The following KCNT2 variants were observed in gnomAD, a reference collection of about 807,000 sequenced individuals.
KCNT2 encodes potassium channel subfamily T member 2.
KCNT2 carries 67 observed loss-of-function variants against 153.8 expected under a neutral mutation model. The observed-to-expected ratio is 0.44, with a 90% CI of 0.36 to 0.53. The LOEUF is 0.53. KCNT2 is among the 20% of genes least tolerant of loss of function. KCNT2 has a pLI of 0.00. For synonymous variants in KCNT2, 500 were observed against 458.8 expected (o/e 1.09, Z -1.15); for missense variants, 975 against 1,354.8 (o/e 0.72, Z 4.40).
intron 19 of KCNT2, among the ~76,000 whole-genome samples, chr1:196,322,628 CTG>C (rs1312732103): frequency 6.6e-6 from 1 of 151,756 alleles, no homozygotes; most frequent in Non-Finnish European, 1.5e-5. Flanking sequence ...TAGTCAGTGA[CTG>C]TTAGGAAGTA....
chr1:196,559,322 G>T (rs185756954), intron 1 of KCNT2, among the ~76,000 whole-genome samples: 4 of 151,694 alleles, frequency 2.6e-5, no homozygotes, highest in Admixed American at 1.3e-4. Context: ...GGGATACGTG[G>T]TATTTTATGC....
chr1:196,289,187 T>G (rs1434446632), intron 22 of KCNT2, among the ~76,000 whole-genome samples: 1 of 152,096 alleles, frequency 6.6e-6, no homozygotes, highest in Non-Finnish European at 1.5e-5. Context: ...TTCCCAGGCT[T>G]TTACTGGACT....
intron 1 of KCNT2, among the ~76,000 whole-genome samples, chr1:196,590,249 G>A (rs747877783): frequency 6.6e-6 from 1 of 152,138 alleles, no homozygotes; most frequent in Non-Finnish European, 1.5e-5. Flanking sequence ...GAGTATAGCT[G>A]TTCTTCACAC....
intron 22 of KCNT2, among the ~76,000 whole-genome samples, chr1:196,286,079 G>A (rs576013034): frequency 3.3e-5 from 5 of 151,772 alleles, no homozygotes; most frequent in Admixed American, 3.3e-4. Flanking sequence ...AAAAACTAAC[G>A]TCACACGATG....
At chr1:196,471,931 C>T (rs1370232918) in intron 5 of KCNT2, among the ~76,000 whole-genome samples, 5 of 152,168 alleles carry the variant, frequency 3.3e-5, no homozygotes, top group African/African-American at 7.2e-5. Flanking sequence ...TGAACTCTGG[C>T]TACTAGCTTG....
At chr1:196,271,533 A>G (rs1202466404) in intron 25 of KCNT2, among the ~76,000 whole-genome samples, 1 of 152,064 alleles carries the variant, frequency 6.6e-6, no homozygotes, top group Non-Finnish European at 1.5e-5. Context: ...TGAAACTCTT[A>G]TTAAGTTAAA....
chr1:196,606,119 T>C (rs1043421864), intron 1 of KCNT2, among the ~76,000 whole-genome samples: 1 of 152,222 alleles, frequency 6.6e-6, no homozygotes, highest in Non-Finnish European at 1.5e-5. Flanking sequence ...TTGGGAGTAC[T>C]TATTTCCAAC....
intron 25 of KCNT2, among the ~76,000 whole-genome samples, chr1:196,270,600 A>G (rs1657974659): frequency 6.6e-6 from 1 of 152,092 alleles, no homozygotes; most frequent in African/African-American, 2.4e-5. Context: ...GTCAAATTGT[A>G]TGCATCATTA....
chr1:196,483,114 T>C (rs1679140019), intron 3 of KCNT2, among the ~76,000 whole-genome samples: 1 of 152,162 alleles, frequency 6.6e-6, no homozygotes, highest in South Asian at 2.1e-4. Context: ...AATTACATTT[T>C]CCTGAAGAGA....
At chr1:196,439,289 T>A (rs902596922) in intron 8 of KCNT2, among the ~76,000 whole-genome samples, 1 of 151,984 alleles carries the variant, frequency 6.6e-6, no homozygotes, top group Non-Finnish European at 1.5e-5. Context: ...GGTAAATACG[T>A]GTTTAAATTA....
At chr1:196,352,840 T>G (rs1435368954) in intron 14 of KCNT2, among the ~76,000 whole-genome samples, 1 of 152,104 alleles carries the variant, frequency 6.6e-6, no homozygotes, top group Non-Finnish European at 1.5e-5. Context: ...CTTGTGGGCA[T>G]TTAGTGCTAT....
At chr1:196,411,621 T>C (rs887428108) in intron 12 of KCNT2, among the ~76,000 whole-genome samples, 1 of 151,788 alleles carries the variant, frequency 6.6e-6, no homozygotes, top group Non-Finnish European at 1.5e-5. Flanking sequence ...CTAAGTATTT[T>C]ATTCTTTTTG....
At chr1:196,570,893 A>T (rs1435933498) in intron 1 of KCNT2, among the ~76,000 whole-genome samples, 2 of 152,134 alleles carry the variant, frequency 1.3e-5, no homozygotes, top group African/African-American at 4.8e-5. Context: ...CCACTAAAAA[A>T]TCAAGTCTTT....
In KCNT2 at chr1:196,334,487, C is replaced by CTTTT. The variant is rs533230418; in HGVS notation, c.1784-431_1784-428dup. On this transcript the variant is annotated intron_variant, in intron 16 of 27. Transcript: ENST00000294725. ...TTTTCTTTTATTTCTTTCTTTCTTT[C>CTTTT]TTTTTTTTTTTTAAGACAGAGTCTC... 3.4e-4 allele frequency among the ~76,000 whole-genome samples: 30 copies of CTTTT among 87,278 alleles called. 5 individuals carry two copies. Among genetic ancestry groups the CTTTT allele is most frequent in the South Asian group, 1.0e-3 (2 of 1,968 alleles). 57.3% of individuals were successfully genotyped at this position (87,278 alleles called of 152,430 possible). A position where few individuals can be genotyped will look rare whatever the true frequency, so the allele number is the denominator to read the frequency against.
chr1:196,351,415 T>C (rs1469220322), intron 14 of KCNT2, among the ~76,000 whole-genome samples: 1 of 152,158 alleles, frequency 6.6e-6, no homozygotes, highest in Non-Finnish European at 1.5e-5. Flanking sequence ...GAAGAGGTCC[T>C]TCACGTCCCT....
chr1:196,526,054 T>A (rs912047264), intron 1 of KCNT2, among the ~76,000 whole-genome samples: 6 of 149,286 alleles, frequency 4.0e-5, no homozygotes, highest in Non-Finnish European at 7.4e-5. Context: ...TGTGTGTGTG[T>A]GTGAATCAGC....
At chr1:196,349,521 G>A (rs967985071) in intron 14 of KCNT2, among the ~76,000 whole-genome samples, 1 of 152,006 alleles carries the variant, frequency 6.6e-6, no homozygotes, top group African/African-American at 2.4e-5. Flanking sequence ...TTCGGGGAGT[G>A]AGAGGTGGGC....
chr1:196,325,257 CT>C (rs1261462790), intron 19 of KCNT2, among the ~76,000 whole-genome samples: 1 of 152,108 alleles, frequency 6.6e-6, no homozygotes, highest in South Asian at 2.1e-4. Flanking sequence ...CACAGTTCCA[CT>C]TTTTTCTCAA....
chr1:196,329,749 T>C (rs909781678), intron 18 of KCNT2, among the ~76,000 whole-genome samples: 4 of 148,944 alleles, frequency 2.7e-5, no homozygotes, highest in Non-Finnish European at 4.5e-5. Context: ...TTCATAATAT[T>C]AAAATAATAA....
Sources: gnomAD v4.1 joint callset for allele counts (sites outside exome capture counted in the v4.1 genomes callset) on GRCh38, gnomAD v4.1.1 for gene constraint, MANE v1.5 for transcripts, NCBI Gene and HGNC (gene_info 2026-07-23, HGNC 2026-07-21) for gene names.